PELI2: variants seen among roughly 807,000 people sequenced by gnomAD.
The protein encoded by PELI2 is pellino E3 ubiquitin protein ligase family member 2.
PELI2 carries 23 observed loss-of-function variants against 42.3 expected under a neutral mutation model. The observed-to-expected ratio is 0.54, with a 90% CI of 0.39 to 0.77. The LOEUF (loss-of-function observed/expected upper bound fraction) is 0.77, where lower values mean the gene tolerates loss of function less well. Among genes scored for constraint, PELI2 ranks in the 30% least tolerant of loss-of-function variants. The pLI is 0.00. For synonymous variants in PELI2, 245 were observed against 212.2 expected, an observed-to-expected ratio of 1.15 and a Z score of -1.34; for missense variants, 463 against 553.2, an observed-to-expected ratio of 0.84 and a Z score of 1.64.
Position 56,298,347 on chromosome 14 carries a change from TA to T in PELI2, c.*1183del, listed in dbSNP as rs888301749. On this transcript the variant is annotated 3_prime_UTR_variant, in exon 6 of 6. Transcript: ENST00000267460. ...AGAGCAAATGAGTGTTGCTGAGGAA[TA>T]ATTAAATGAGAATTTCATAGGAGCT... 21 of 152,428 alleles carry T rather than the reference TA, an allele frequency of 1.4e-4. No individual in the cohort carries two copies. Among genetic ancestry groups the T allele is most frequent in the African/African-American group, 4.8e-4 (20 of 41,426 alleles). 9.4% of individuals were successfully genotyped at this position (152,428 alleles called of 1,614,324 possible).
At chr14:56,283,953 A>G (rs1429270108) in intron 3 of PELI2, among the ~76,000 whole-genome samples, 12 of 152,308 alleles carry the variant, frequency 7.9e-5, no homozygotes, top group African/African-American at 2.4e-4. Flanking sequence ...TCCAAAGCCT[A>G]CTACTGACAA....
intron 2 of PELI2, among the ~76,000 whole-genome samples, chr14:56,200,804 A>T (rs1039775368): frequency 1.3e-5 from 2 of 152,094 alleles, no homozygotes; most frequent in African/African-American, 4.8e-5. Flanking sequence ...AACTGTTGGC[A>T]TTTTCATTAG....
chr14:56,255,748 T>C (rs1373522930), intron 2 of PELI2, among the ~76,000 whole-genome samples: 5 of 152,182 alleles, frequency 3.3e-5, no homozygotes, highest in Non-Finnish European at 7.3e-5. Flanking sequence ...ATCAGGTGTG[T>C]CATTTACATA....
chr14:56,158,026 A>T (rs1884627929), intron 1 of PELI2, among the ~76,000 whole-genome samples: 1 of 151,916 alleles, frequency 6.6e-6, no homozygotes, highest in Admixed American at 6.6e-5. Context: ...AGCCTTTGAG[A>T]TTCTTCTTCT....
chr14:56,212,493 T>C (rs948354276), intron 2 of PELI2, among the ~76,000 whole-genome samples: 1 of 152,192 alleles, frequency 6.6e-6, no homozygotes, highest in Non-Finnish European at 1.5e-5. Flanking sequence ...AGAGAGGATC[T>C]GTGCCTGGGA....
chr14:56,126,131 G>A (rs1379762512), intron 1 of PELI2, among the ~76,000 whole-genome samples: 1 of 152,186 alleles, frequency 6.6e-6, no homozygotes, highest in East Asian at 1.9e-4. Flanking sequence ...TAGCAGTCAT[G>A]TTGTCACCTG....
At chr14:56,121,666 A>T (rs1487887049) in intron 1 of PELI2, among the ~76,000 whole-genome samples, 1 of 152,228 alleles carries the variant, frequency 6.6e-6, no homozygotes, top group Non-Finnish European at 1.5e-5. Flanking sequence ...ATGCATTTAC[A>T]GGTGGGTGAC....
At chr14:56,282,104 A>G (rs1889499705) in intron 3 of PELI2, among the ~76,000 whole-genome samples, 1 of 152,150 alleles carries the variant, frequency 6.6e-6, no homozygotes, top group African/African-American at 2.4e-5. Context: ...CCATTTGTAC[A>G]GAGTTATTGC....
In PELI2 at chr14:56,173,677, G is replaced by A. The variant is rs7150332; in HGVS notation, c.78-4658G>A. Among the ~76,000 whole-genome samples the A allele has an allele frequency of 1.7e-3, 264 of 152,232 alleles. 1 individual carries two copies. The highest frequency in any genetic ancestry group is 6.1e-3 in the African/African-American group (255 of 41,538). On this transcript the variant is annotated intron_variant, in intron 1 of 5. Transcript: ENST00000267460. Reference sequence around the variant, plus strand: ...TCTTTCCTTGCCTCTTCCAGCTTCTGGGGCTCCAAATGTTCCTTGGCTTGT... The same window carrying A: ...TCTTTCCTTGCCTCTTCCAGCTTCTAGGGCTCCAAATGTTCCTTGGCTTGT...
At position 56,273,364 on chromosome 14, in the gene PELI2, G is replaced by T. The variant is rs1889171161; in HGVS notation, c.208-6312G>T. On this transcript the variant is annotated intron_variant, in intron 2 of 5. Coordinates refer to ENST00000267460, the MANE Select transcript of PELI2 (RefSeq NM_021255.3). The surrounding 1 kb of genome is among the most constrained non-coding windows in gnomAD (Gnocchi z 4.3). ...TGACCTAGTATCAGAAGTCCCATGT[G>T]TCACATCCACGGCATTCTCTTGGTC... Among the ~76,000 whole-genome samples the T allele has an allele frequency of 6.6e-6, 1 of 152,206 alleles. No individual in the cohort carries two copies. Among genetic ancestry groups the T allele is most frequent in the South Asian group, 2.1e-4 (1 of 4,826 alleles).
intron 3 of PELI2, among the ~76,000 whole-genome samples, chr14:56,282,324 T>C (rs1889507274): frequency 1.3e-5 from 2 of 152,250 alleles, no homozygotes; most frequent in South Asian, 4.1e-4. Flanking sequence ...GGAGTCATAT[T>C]GGTAATATAT....
At chr14:56,223,858 C>T (rs4901656) in intron 2 of PELI2, among the ~76,000 whole-genome samples, 59,832 of 151,972 alleles carry the variant, frequency 0.39, 12,792 homozygotes, top group South Asian at 0.53. Flanking sequence ...TGCTAAAATT[C>T]CAGAAGGAGA....
intron 2 of PELI2, among the ~76,000 whole-genome samples, chr14:56,254,965 CCATTA>C (rs1381950488): frequency 6.6e-6 from 1 of 152,064 alleles, no homozygotes; most frequent in African/African-American, 2.4e-5. Context: ...AGAGTGGCGA[CCATTA>C]CAAAGTCAAG....
chr14:56,196,943 A>G (rs1380967121), intron 2 of PELI2, among the ~76,000 whole-genome samples: 1 of 152,212 alleles, frequency 6.6e-6, no homozygotes, highest in Non-Finnish European at 1.5e-5. Flanking sequence ...CTTGTTTTGC[A>G]TAAGAAGTGC....
intron 2 of PELI2, among the ~76,000 whole-genome samples, chr14:56,234,030 G>A (rs1320942067): frequency 6.6e-6 from 1 of 152,180 alleles, no homozygotes; most frequent in Non-Finnish European, 1.5e-5. Context: ...TCAGAGAAAT[G>A]CAAATCAAAA....
intron 2 of PELI2, among the ~76,000 whole-genome samples, chr14:56,263,664 G>A (rs917367876): frequency 6.6e-6 from 1 of 151,970 alleles, no homozygotes; most frequent in Non-Finnish European, 1.5e-5. Context: ...TATATTTAAA[G>A]GTTTAAAAAG....
intron 3 of PELI2, among the ~76,000 whole-genome samples, chr14:56,283,268 T>A (rs1174333633): frequency 6.6e-6 from 1 of 152,216 alleles, no homozygotes; most frequent in African/African-American, 2.4e-5. Flanking sequence ...CTGAGTACTT[T>A]ATGCATACTT....
intron 2 of PELI2, among the ~76,000 whole-genome samples, chr14:56,251,396 C>T (rs946514607): frequency 6.6e-5 from 10 of 152,240 alleles, no homozygotes; most frequent in African/African-American, 2.2e-4. Context: ...TCCTGTAAGG[C>T]GAGCAGGGTA....
intron 2 of PELI2, among the ~76,000 whole-genome samples, chr14:56,221,019 T>C (rs1305943233): frequency 6.6e-6 from 1 of 152,192 alleles, no homozygotes; most frequent in Non-Finnish European, 1.5e-5. Context: ...CCTCATGACA[T>C]TCTGTGCCAT....
Sources: allele counts gnomAD v4.1 joint callset (sites outside exome capture counted in the v4.1 genomes callset), GRCh38; gene constraint gnomAD v4.1.1; non-coding constraint Gnocchi (gnomAD v3.1); transcripts MANE v1.5; gene names NCBI Gene and HGNC (gene_info 2026-07-23, HGNC 2026-07-21).